MKRN1: variants seen among roughly 807,000 people sequenced by gnomAD.
The protein encoded by MKRN1 is E3 ubiquitin-protein ligase makorin-1.
A neutral mutation model predicts 55.5 loss-of-function variants in MKRN1; 9 were observed. The ratio of observed to expected loss-of-function variants is 0.16; its 90% confidence interval spans 0.10 to 0.28. The LOEUF (loss-of-function observed/expected upper bound fraction) is 0.28. Ranked by LOEUF, MKRN1 falls within the 10% of genes least tolerant of loss-of-function variation. The probability of loss-of-function intolerance (pLI) is 1.00; values close to 1 mark genes in which losing one functional copy is unlikely to be tolerated. For synonymous variants in MKRN1, 253 were observed against 235.9 expected (o/e 1.07, Z -0.66); for missense variants, 488 against 626.7 (o/e 0.78, Z 2.36).
At chr7:140,470,439 GC>G (rs1343745681) in intron 2 of MKRN1, among the ~76,000 whole-genome samples, 1 of 150,098 alleles carries the variant, frequency 6.7e-6, no homozygotes, top group Non-Finnish European at 1.5e-5. Flanking sequence ...ACAAAAATTA[GC>G]TAGGTGTGGT....
At chr7:140,478,903 C>G (rs922319016) in intron 1 of MKRN1, 1 of 332,114 alleles carries the variant, frequency 3.0e-6, no homozygotes, top group East Asian at 5.1e-5. Context: ...GGTGCAGCCC[C>G]GCGGCTCCGC....
At chr7:140,461,520 C>G (rs1173405081) in intron 2 of MKRN1, among the ~76,000 whole-genome samples, 2 of 151,970 alleles carry the variant, frequency 1.3e-5, no homozygotes, top group Non-Finnish European at 2.9e-5. Flanking sequence ...GTAATACCAG[C>G]TACTCAGGAG....
At chr7:140,471,594 G>A (rs1024182695) in intron 2 of MKRN1, among the ~76,000 whole-genome samples, 6 of 151,824 alleles carry the variant, frequency 4.0e-5, no homozygotes, top group Admixed American at 1.3e-4. Context: ...TTCAGCCTCC[G>A]AAGTAGCTGG....
In MKRN1 at chr7:140,455,724, T is replaced by C. The variant is rs1186595892; in HGVS notation, c.1097+66A>G. The stretch of plus-strand genomic sequence containing the variant: ...GGTAGGAGTGTATAATGCAGCACCA[T>C]TCTTTTCAAAGTGAACCCAAGCTCT... On this transcript the variant is annotated intron_variant, in intron 6 of 7. Transcript: ENST00000255977. 3.1e-6 allele frequency: 4 copies of C among 1,309,164 alleles called. No individual in the cohort carries two copies. The African/African-American group carries it at 5.8e-5, about 19-fold the overall frequency. The allele number at this position is 1,309,164 out of a possible 1,614,324, so 81.1% of individuals were successfully genotyped here. A position where few individuals can be genotyped will look rare whatever the true frequency, so the allele number is the denominator to read the frequency against.
rs191907234 is a variant in MKRN1, at chr7:140,470,517, G to A, written c.314+1366C>T. Among the ~76,000 whole-genome samples the A allele has an allele frequency of 6.9e-3, 1,026 of 149,172 alleles. 4 individuals carry two copies. The highest frequency in any genetic ancestry group is 9.3e-3 in the Non-Finnish European group (624 of 67,188). On this transcript the variant is annotated intron_variant, in intron 2 of 7. Coordinates refer to ENST00000255977, the MANE Select transcript of MKRN1 (RefSeq NM_013446.4). ...GGAGAATCGCTTGAACCCAGGAGGC[G>A]GAGGTTGCAGTGAGCCGAAATTGCG...
chr7:140,454,331 A>G lies in MKRN1; in HGVS notation c.*186T>C. On this transcript the variant is annotated 3_prime_UTR_variant, in exon 8 of 8. Coordinates refer to ENST00000255977, the MANE Select transcript of MKRN1 (RefSeq NM_013446.4). ...ATTTATTTTTGTAACTTTTTTCAACAGGGAAAACAACACACTCCTCAGGGA... is the reference window on the plus strand; with the variant it reads ...ATTTATTTTTGTAACTTTTTTCAACGGGGAAAACAACACACTCCTCAGGGA... 1.6e-6 allele frequency: 1 copy of G among 611,590 alleles called. No individual in the cohort carries two copies. The highest frequency in any genetic ancestry group is 2.9e-6 in the Non-Finnish European group (1 of 345,668). The allele number at this position is 611,590 out of a possible 1,614,324, so 37.9% of individuals were successfully genotyped here.
At position 140,471,902 on chromosome 7, in the gene MKRN1, T is replaced by C; in HGVS notation, c.295A>G (p.Ile99Val). The C allele has an allele frequency of 6.2e-7, 1 of 1,613,896 alleles. No homozygotes were observed. The highest frequency in any genetic ancestry group is 8.5e-7 in the Non-Finnish European group (1 of 1,179,956). ...VCKYFQRGYC[I>V]YGDRCRYEHS... Reference sequence around the variant, plus strand: ...TCTTACCTGCAGCGGTCTCCATAAATACAGTACCCTCGCTGAAAATACTTG... The same window carrying C: ...TCTTACCTGCAGCGGTCTCCATAAACACAGTACCCTCGCTGAAAATACTTG... The change falls in exon 2 of 8, where the codon ATT becomes GTT. Residue 99 changes from isoleucine to valine, a missense_variant. By Grantham distance (29) the Ile-to-Val change is conservative. Transcript: ENST00000255977.
chr7:140,456,159 CAAAAG>C, intron 5 of MKRN1: 1 of 1,086,152 alleles, frequency 9.2e-7, no homozygotes, highest in African/African-American at 1.7e-5. Context: ...AAAACAAAAA[CAAAAG>C]AAGACATTTC....
chr7:140,473,341 TA>T (rs1039860781), intron 1 of MKRN1: 8 of 409,126 alleles, frequency 2.0e-5, no homozygotes, highest in South Asian at 3.6e-5. Context: ...CACTGTGCAG[TA>T]AAAGACAAAA....
At chr7:140,462,496 G>A (rs1007614434) in intron 2 of MKRN1, among the ~76,000 whole-genome samples, 1 of 152,108 alleles carries the variant, frequency 6.6e-6, no homozygotes, top group Non-Finnish European at 1.5e-5. Context: ...TCTAACTAAA[G>A]GCTCTACTCC....
At chr7:140,472,133 G>C (rs1490315263) in intron 1 of MKRN1, 122 bp from the exon 2 acceptor site, 4 of 1,360,120 alleles carry the variant, frequency 2.9e-6, no homozygotes, top group East Asian at 2.5e-5. Flanking sequence ...TAAACACAAA[G>C]AAAGGGCCAG....
chr7:140,475,349 C>G (rs565914950), intron 1 of MKRN1: 1 of 361,354 alleles, frequency 2.8e-6, no homozygotes, highest in African/African-American at 2.3e-5. Context: ...AGAAAACAAA[C>G]AAACAAACAA....
At chr7:140,464,197 G>A (rs1331907530) in intron 2 of MKRN1, among the ~76,000 whole-genome samples, 2 of 151,766 alleles carry the variant, frequency 1.3e-5, no homozygotes, top group African/African-American at 2.4e-5. Context: ...TGGGATTATA[G>A]GCGTGAGCCA....
chr7:140,477,824 C>T (rs1304447496), intron 1 of MKRN1, among the ~76,000 whole-genome samples: 1 of 152,214 alleles, frequency 6.6e-6, no homozygotes, highest in Non-Finnish European at 1.5e-5. Context: ...TCAACTGTAG[C>T]ATTGTAAAAG....
At chr7:140,464,512 G>A (rs1794716173) in intron 2 of MKRN1, among the ~76,000 whole-genome samples, 1 of 152,080 alleles carries the variant, frequency 6.6e-6, no homozygotes, top group African/African-American at 2.4e-5. Context: ...AGACCAGCCT[G>A]ATCAACATGG....
At chr7:140,459,268 T>C (rs753336786) in intron 3 of MKRN1, 35 bp from the exon 4 acceptor site, 29 of 1,599,390 alleles carry the variant, frequency 1.8e-5, no homozygotes, top group Middle Eastern at 1.7e-4. Context: ...AAGGTCCAAA[T>C]AGATAAGGCA....
At position 140,459,837 on chromosome 7, in the gene MKRN1, A is replaced by G. The variant is rs752103170; in HGVS notation, c.414T>C (p.Val138=). The G allele has an allele frequency of 3.1e-6, 5 of 1,613,866 alleles. No homozygotes were observed. The African/African-American group carries it at 6.7e-5, about 22-fold the overall frequency. The change falls in exon 3 of 8, where the codon GTT becomes GTC. Residue 138 remains valine, a synonymous_variant. Transcript: ENST00000255977. ...LAASSSLSSI[V]GPLVEMNTGE... is the part of the protein sequence containing the mutation. ...CTGTATTCATTTCAACAAGTGGTCC[A>G]ACTATCGATGAGAGACTTGAGGAAG...
intron 5 of MKRN1, chr7:140,456,296 G>T: frequency 8.5e-7 from 1 of 1,173,492 alleles, no homozygotes; most frequent in East Asian, 5.3e-5. Context: ...TTGTTGGCTA[G>T]CTTAATGAAT....
chr7:140,474,438 G>C, intron 1 of MKRN1: 1 of 348,014 alleles, frequency 2.9e-6, no homozygotes, highest in Non-Finnish European at 5.9e-6. Flanking sequence ...GCAGTGGGTT[G>C]GGGGGGGCCC....
Sources: allele counts gnomAD v4.1 joint callset (sites outside exome capture counted in the v4.1 genomes callset), GRCh38; gene constraint gnomAD v4.1.1; transcripts MANE v1.5; gene names NCBI Gene and HGNC (gene_info 2026-07-23, HGNC 2026-07-21).